The following FOXP1 variants were observed in gnomAD, a reference collection of about 807,000 sequenced individuals.
FOXP1 encodes forkhead box protein P1.
A neutral mutation model predicts 98.2 loss-of-function variants in FOXP1; 15 were observed. The ratio of observed to expected loss-of-function variants is 0.15; its 90% CI spans 0.10 to 0.24. The LOEUF (loss-of-function observed/expected upper bound fraction) is 0.24. Ranked by LOEUF, FOXP1 falls within the 10% of genes least tolerant of loss-of-function variation. FOXP1 has a pLI of 1.00. For missense variants in FOXP1, 633 were observed against 848.5 expected (o/e 0.75, Z 3.15); for synonymous variants, 371 against 314.5 (o/e 1.18, Z -1.90).
chr3:71,058,626 C>A (rs1351118962), intron 7 of FOXP1, among the ~76,000 whole-genome samples: 5 of 151,298 alleles, frequency 3.3e-5, no homozygotes, highest in Non-Finnish European at 5.9e-5. Flanking sequence ...AAAAACTATG[C>A]CAAGTTTTTT....
chr3:71,517,188 T>C (rs921132595), intron 2 of FOXP1, among the ~76,000 whole-genome samples: 1 of 132,240 alleles, frequency 7.6e-6, no homozygotes, highest in African/African-American at 2.7e-5. Context: ...CTGAAGGTGA[T>C]CTATCAAAAA....
Position 71,311,030 on chromosome 3 carries a change from G to C in FOXP1, c.-72-11150C>G, listed in dbSNP as rs189320372. The stretch of plus-strand genomic sequence containing the variant: ...AAAAATATCAGAACATATACTCCAT[G>C]AAGGCAGGGATTTTATCTGATTTGC... On this transcript the variant is annotated intron_variant, in intron 4 of 20. Coordinates refer to ENST00000649528, the MANE Select transcript of FOXP1 (RefSeq NM_001349338.3). Among the ~76,000 whole-genome samples the C allele has an allele frequency of 4.8e-3, 738 of 152,310 alleles. 1 individual carries two copies. Among genetic ancestry groups the C allele is most frequent in the Non-Finnish European group, 7.6e-3 (520 of 68,028 alleles).
rs565831782 is a variant in FOXP1, at chr3:71,578,145, C to T, written c.-298+3404G>A. 5.3e-5 allele frequency among the ~76,000 whole-genome samples: 8 copies of T among 152,068 alleles called. No homozygotes were observed. In the East Asian group the frequency reaches 1.2e-3, roughly 22 times the overall value. ...CATGCTCTGGAAACCCTTTCTCGGTCGTGGAGAAGAAACAGCTCATGCTGA... is the reference window on the plus strand; with the variant it reads ...CATGCTCTGGAAACCCTTTCTCGGTTGTGGAGAAGAAACAGCTCATGCTGA... On this transcript the variant is annotated intron_variant, in intron 2 of 20. Coordinates refer to ENST00000649528, the MANE Select transcript of FOXP1 (RefSeq NM_001349338.3).
intron 4 of FOXP1, among the ~76,000 whole-genome samples, chr3:71,320,494 A>G (rs2107665371): frequency 6.6e-6 from 1 of 152,092 alleles, no homozygotes; most frequent in Non-Finnish European, 1.5e-5. Context: ...CACACATCCC[A>G]TATAACTCAG....
At chr3:70,961,789 G>A (rs1257019515) in intron 20 of FOXP1, among the ~76,000 whole-genome samples, 1 of 152,166 alleles carries the variant, frequency 6.6e-6, no homozygotes, top group African/African-American at 2.4e-5. Flanking sequence ...TGCCAGGCAT[G>A]GTGGTGTGTG....
chr3:71,166,357 C>T (rs532851246), intron 6 of FOXP1, among the ~76,000 whole-genome samples: 2 of 152,320 alleles, frequency 1.3e-5, no homozygotes, highest in South Asian at 2.1e-4. Context: ...AAACCTGTTA[C>T]GGCCCCCATC....
intron 5 of FOXP1, among the ~76,000 whole-genome samples, chr3:71,242,607 A>G (rs1011571895): frequency 1.3e-5 from 2 of 152,210 alleles, no homozygotes; most frequent in Admixed American, 6.5e-5. Flanking sequence ...ATACAAAAAG[A>G]TTTGTCAATA....
chr3:71,340,898 A>G (rs1198047273), intron 4 of FOXP1, among the ~76,000 whole-genome samples: 3 of 152,222 alleles, frequency 2.0e-5, no homozygotes, highest in South Asian at 2.1e-4. Flanking sequence ...AGAGTGGGTA[A>G]CATAAGAAGA....
At chr3:71,071,583 T>G (rs28687271) in intron 7 of FOXP1, among the ~76,000 whole-genome samples, 6,322 of 152,248 alleles carry the variant, frequency 0.042, 408 homozygotes, top group African/African-American at 0.14. Flanking sequence ...ATTTCTTTTT[T>G]TCTTTTTTGA....
At chr3:71,390,269 G>A (rs1403109797) in intron 3 of FOXP1, among the ~76,000 whole-genome samples, 2 of 151,968 alleles carry the variant, frequency 1.3e-5, no homozygotes, top group Non-Finnish European at 2.9e-5. Flanking sequence ...ACAAGCCAAG[G>A]GACTTTTCAG....
At chr3:71,407,718 T>C (rs1348735854) in intron 3 of FOXP1, among the ~76,000 whole-genome samples, 1 of 151,538 alleles carries the variant, frequency 6.6e-6, no homozygotes, top group African/African-American at 2.4e-5. Context: ...TTTGATGCCG[T>C]GAAATATTCC....
intron 4 of FOXP1, among the ~76,000 whole-genome samples, chr3:71,349,545 C>A (rs1449592689): frequency 6.6e-6 from 1 of 151,970 alleles, no homozygotes; most frequent in African/African-American, 2.4e-5. Flanking sequence ...ATTATTAATT[C>A]AGGGAAGCAT....
intron 6 of FOXP1, among the ~76,000 whole-genome samples, chr3:71,167,334 TC>T (rs1377627609): frequency 1.3e-5 from 2 of 152,166 alleles, no homozygotes; most frequent in Non-Finnish European, 2.9e-5. Flanking sequence ...CCATTGCGTT[TC>T]CCCATCTATA....
intron 2 of FOXP1, among the ~76,000 whole-genome samples, chr3:71,554,318 A>C (rs2045971417): frequency 6.6e-6 from 1 of 152,208 alleles, no homozygotes; most frequent in East Asian, 1.9e-4. Context: ...ATAACACTAC[A>C]TTCCAGCCTG....
intron 2 of FOXP1, among the ~76,000 whole-genome samples, chr3:71,526,031 C>T (rs773978786): frequency 6.6e-6 from 1 of 152,012 alleles, no homozygotes; most frequent in East Asian, 1.9e-4. Flanking sequence ...TAAGGAAGGA[C>T]AACTGCTTGA....
At chr3:71,282,155 T>C (rs2071639762) in intron 5 of FOXP1, among the ~76,000 whole-genome samples, 1 of 151,962 alleles carries the variant, frequency 6.6e-6, no homozygotes, top group South Asian at 2.1e-4. Context: ...AAGATCCCTC[T>C]AAGTGGTACC....
chr3:71,422,094 G>A (rs1171458540), intron 3 of FOXP1, among the ~76,000 whole-genome samples: 2 of 152,128 alleles, frequency 1.3e-5, no homozygotes, highest in East Asian at 3.9e-4. Flanking sequence ...ACATCTTAAT[G>A]GTGTGATGTG....
At chr3:71,502,332 G>A (rs1025720087) in intron 2 of FOXP1, among the ~76,000 whole-genome samples, 1 of 152,200 alleles carries the variant, frequency 6.6e-6, no homozygotes, top group Admixed American at 6.5e-5. Flanking sequence ...ACAGAGAGCT[G>A]GCTGCCATCT....
intron 5 of FOXP1, among the ~76,000 whole-genome samples, chr3:71,242,454 T>A (rs1268182177): frequency 6.6e-6 from 1 of 152,186 alleles, no homozygotes; most frequent in African/African-American, 2.4e-5. Context: ...ATCATTAAAA[T>A]ACATCAGGAG....
Sources: allele counts gnomAD v4.1 joint callset (sites outside exome capture counted in the v4.1 genomes callset), GRCh38; gene constraint gnomAD v4.1.1; transcripts MANE v1.5; gene names NCBI Gene and HGNC (gene_info 2026-07-23, HGNC 2026-07-21).